Variants in ITGA3 observed in about 807,000 individuals in gnomAD.
The protein encoded by ITGA3 is integrin alpha-3.
Under a neutral mutation model 131.1 loss-of-function variants are expected in ITGA3, and 70 were observed. That is an observed-to-expected ratio of 0.53 (90% confidence interval 0.44 to 0.65). ITGA3 has a LOEUF of 0.65. Among genes scored for constraint, ITGA3 ranks in the 30% least tolerant of loss-of-function variants. The pLI is 0.00. For synonymous variants in ITGA3, 537 were observed against 571.6 expected (o/e 0.94, Z 0.86); for missense variants, 1,098 against 1,388.6 (o/e 0.79, Z 3.33).
Position 50,056,275 on chromosome 17 carries a change from T to A in ITGA3, c.-165T>A. ...AGGAAGGGATCCGAGAGCGCAGCTG[T>A]GAAACTGGCTGGGGCTGGGGGCACG... On this transcript the variant is annotated 5_prime_UTR_variant, in exon 1 of 26. Coordinates refer to ENST00000320031, the MANE Select transcript of ITGA3 (RefSeq NM_002204.4). The surrounding 1 kb of genome is among the most constrained non-coding windows in gnomAD (Gnocchi z 5.6). 1 of 499,888 alleles carries A rather than the reference T, an allele frequency of 2.0e-6. No homozygotes were observed. Among genetic ancestry groups the A allele is most frequent in the East Asian group, 3.5e-5 (1 of 28,240 alleles). 31.0% of individuals were successfully genotyped at this position (499,888 alleles called of 1,614,324 possible). A position where few individuals can be genotyped will look rare whatever the true frequency, so the allele number is the denominator to read the frequency against.
intron 15 of ITGA3, 42 bp from the exon 16 acceptor site, chr17:50,077,337 T>A: frequency 1.9e-6 from 3 of 1,564,792 alleles, no homozygotes; most frequent in Non-Finnish European, 2.6e-6. Flanking sequence ...GGACAAGCCC[T>A]ACTTTGACCC....
intron 16 of ITGA3, 70 bp from the exon 17 acceptor site, chr17:50,077,976 C>T: frequency 7.6e-7 from 1 of 1,313,566 alleles, no homozygotes; most frequent in East Asian, 2.3e-5. Context: ...TGTGCATCCC[C>T]TCCTTCCCCA....
rs1472362877 is a variant in ITGA3, at chr17:50,079,569, G to A, written c.2706+12G>A. 6.6e-7 allele frequency: 1 copy of A among 1,513,864 alleles called. No individual in the cohort carries two copies. The highest frequency in any genetic ancestry group is 8.8e-7 in the Non-Finnish European group (1 of 1,131,058). 93.8% of individuals were successfully genotyped at this position (1,513,864 alleles called of 1,614,324 possible). The stretch of plus-strand genomic sequence containing the variant: ...CTGAGACTGTGCTGGTGAGTGGCCA[G>A]GGCGAGGTTGGAGGGGATTGCATCC... On this transcript the variant is annotated intron_variant, in intron 21 of 25. Transcript: ENST00000320031.
At position 50,080,340 on chromosome 17, in the gene ITGA3, G is replaced by A; in HGVS notation, c.2785G>A (p.Val929Met). Residue 929 changes from valine to methionine, a missense_variant, in exon 22 of 26, where the codon GTG becomes ATG. Around this residue, in one of 3 missense-constraint regions of ITGA3, gnomAD observed 699 missense variants for 829.2 expected, o/e 0.84. Coordinates refer to ENST00000320031, the MANE Select transcript of ITGA3 (RefSeq NM_002204.4). Reference sequence around the variant, plus strand: ...TGCCCCCGTTGTCACCAACGTGACTGTGAAGGCACGAGTGTGGAACAGCAC... The same window carrying A: ...TGCCCCCGTTGTCACCAACGTGACTATGAAGGCACGAGTGTGGAACAGCAC... The part of the protein sequence containing the change: ...PDAPVVTNVT[V>M]KARVWNSTFI... The A allele has an allele frequency of 1.2e-6, 2 of 1,613,134 alleles. No individual in the cohort carries two copies. The highest frequency in any genetic ancestry group is 1.7e-6 in the Non-Finnish European group (2 of 1,179,498).
chr17:50,068,800 C>G (rs1908456703), intron 4 of ITGA3, among the ~76,000 whole-genome samples: 1 of 150,656 alleles, frequency 6.6e-6, no homozygotes, highest in Non-Finnish European at 1.5e-5. Flanking sequence ...CCATGCCCAG[C>G]CTCAATCAGT....
chr17:50,089,031 G>A (rs530980437), intron 25 of ITGA3, 79 bp from the exon 26 acceptor site: 5 of 1,105,484 alleles, frequency 4.5e-6, no homozygotes, highest in Admixed American at 3.5e-5. Context: ...CTGGGTGGGA[G>A]AGGGAGAGGC....
intron 5 of ITGA3, 53 bp from the exon 6 acceptor site, chr17:50,071,258 G>T: frequency 6.6e-7 from 1 of 1,514,286 alleles, no homozygotes; most frequent in South Asian, 1.2e-5. Context: ...GTCCAGAGTA[G>T]AAAGAGACGA....
rs1689279807 is a variant in ITGA3 at position 50,090,383 on chromosome 17, C to G, written c.*1305C>G. 2.6e-6 allele frequency: 1 copy of G among 380,560 alleles called. No individual in the cohort carries two copies. The highest frequency in any genetic ancestry group is 5.5e-6 in the Non-Finnish European group (1 of 182,098). The allele number at this position is 380,560 out of a possible 1,614,324, so 23.6% of individuals were successfully genotyped here. ...GCAGGCCCACTCCCCAGCCCCAGCC[C>G]CTTCCATGGTACTGTAGCAGGGGAA... On this transcript the variant is annotated 3_prime_UTR_variant, in exon 26 of 26. Coordinates refer to ENST00000320031, the MANE Select transcript of ITGA3 (RefSeq NM_002204.4).
rs1908656817 is a variant in ITGA3, at chr17:50,072,082, C to T, written c.1056C>T (p.Ser352=). ...IYVFMNQAGT[S]FPAHPSLLLH... is the part of the protein sequence containing the mutation. Reference sequence around the variant, plus strand: ...TCTTCATGAACCAGGCGGGAACCTCCTTCCCTGCTCACCCCTCACTCCTTC... The same window carrying T: ...TCTTCATGAACCAGGCGGGAACCTCTTTCCCTGCTCACCCCTCACTCCTTC... The change falls in exon 7 of 26, where the codon TCC becomes TCT. Residue 352 remains serine (S), a synonymous_variant. Transcript: ENST00000320031. The T allele has an allele frequency of 6.2e-7, 1 of 1,613,978 alleles. No homozygotes were observed. The highest frequency in any genetic ancestry group is 8.5e-7 in the Non-Finnish European group (1 of 1,180,020).
At chr17:50,058,137 G>A (rs1028110308) in intron 1 of ITGA3, among the ~76,000 whole-genome samples, 5 of 152,212 alleles carry the variant, frequency 3.3e-5, no homozygotes, top group South Asian at 2.1e-4. Flanking sequence ...TAATGATTCC[G>A]CAACCCTTTT....
chr17:50,076,992 C>T lies in ITGA3; in HGVS notation c.1941C>T (p.Asp647=), dbSNP rs763530185. The change falls in exon 15 of 26, where the codon GAC becomes GAT. Residue 647 remains aspartate (D), a synonymous_variant. Transcript: ENST00000320031. ...QKLSRLQYSR[D]VRKLLLSINV... The stretch of plus-strand genomic sequence containing the variant: ...CTCTCAGGCTCCAGTACAGCAGAGA[C>T]GTCCGGAAATTGCTCCTGAGCATCA... The T allele has an allele frequency of 6.8e-6, 11 of 1,610,208 alleles. No homozygotes were observed. The highest frequency in any genetic ancestry group is 1.6e-4 in the Middle Eastern group (1 of 6,078).
chr17:50,068,374 G>A, intron 4 of ITGA3, 69 bp downstream of exon 4: 2 of 1,561,674 alleles, frequency 1.3e-6, no homozygotes, highest in South Asian at 1.2e-5. Context: ...TAGCCACGGG[G>A]ACAGCTGGCC....
At chr17:50,068,605 G>A (rs1450606092) in intron 4 of ITGA3, among the ~76,000 whole-genome samples, 1 of 150,682 alleles carries the variant, frequency 6.6e-6, no homozygotes, top group East Asian at 2.0e-4. Context: ...AGGCTCAGGT[G>A]ATCCTCCAAC....
chr17:50,078,449 C>T (rs551742272), intron 18 of ITGA3, among the ~76,000 whole-genome samples, 165 bp downstream of exon 18: 5 of 152,256 alleles, frequency 3.3e-5, no homozygotes, highest in East Asian at 1.9e-4. Flanking sequence ...CAATCACTAT[C>T]GTTACCGTTA....
intron 24 of ITGA3, 56 bp from the exon 25 acceptor site, chr17:50,088,169 G>A: frequency 3.3e-6 from 5 of 1,523,444 alleles, no homozygotes; most frequent in Non-Finnish European, 4.4e-6. Context: ...AGTGCTGCTG[G>A]TGAGGATAGC....
In ITGA3 at chr17:50,060,231, T is replaced by C. The variant is rs1403174980; in HGVS notation, c.206+3586T>C. 2.0e-5 allele frequency among the ~76,000 whole-genome samples: 3 copies of C among 152,188 alleles called. No individual in the cohort carries two copies. The East Asian group carries it at 5.8e-4, about 29-fold the overall frequency. On this transcript the variant is annotated intron_variant, in intron 1 of 25. Transcript: ENST00000320031. ...ACCCAAGGAGTGAGGCCCTGCCATG[T>C]TGGCCTGAGTGCTAGATCCTTTGGC...
Position 50,085,430 on chromosome 17 carries a change from C to T in ITGA3, c.2920-2314C>T, listed in dbSNP as rs1295809686. 3.9e-5 allele frequency among the ~76,000 whole-genome samples: 6 copies of T among 151,930 alleles called. No homozygotes were observed. In the East Asian group the frequency reaches 5.8e-4, roughly 15 times the overall value. On this transcript the variant is annotated intron_variant, in intron 23 of 25. Transcript: ENST00000320031. ...CTGTAATCCCAGCACTTTGGGACGT[C>T]GAGGCAGGTGGACCACTTGAGGTCA...
chr17:50,080,512 C>T (rs1339378350), intron 22 of ITGA3, 137 bp downstream of exon 22: 12 of 534,678 alleles, frequency 2.2e-5, no homozygotes, highest in African/African-American at 4.6e-5. Flanking sequence ...GTGTGATTTG[C>T]GTGTCTTTGC....
intron 8 of ITGA3, 29 bp downstream of exon 8, chr17:50,074,033 C>T (rs761575916): frequency 6.4e-7 from 1 of 1,561,956 alleles, no homozygotes; most frequent in South Asian, 1.1e-5. Context: ...GGGTCTGCTG[C>T]CCCCACCAGC....
Sources: gnomAD v4.1 joint callset for allele counts (sites outside exome capture counted in the v4.1 genomes callset) on GRCh38, gnomAD v4.1.1 for gene constraint, gnomAD v4.1.1 regional missense constraint, Gnocchi (gnomAD v3.1) non-coding constraint, MANE v1.5 for transcripts, NCBI Gene and HGNC (gene_info 2026-07-23, HGNC 2026-07-21) for gene names.